The following HPRT1 variants were observed in gnomAD, a reference collection of about 807,000 sequenced individuals.
HPRT1 encodes the protein hypoxanthine-guanine phosphoribosyltransferase.
A neutral mutation model predicts 19.0 loss-of-function variants in HPRT1; 4 were observed. That is an observed-to-expected ratio of 0.21 (90% CI 0.10 to 0.48). The LOEUF is 0.48. Ranked by LOEUF, HPRT1 falls within the 20% of genes least tolerant of loss-of-function variation. The pLI, the probability that HPRT1 is intolerant of heterozygous loss-of-function variation, is 0.98. For synonymous variants in HPRT1, 53 were observed against 54.9 expected, an observed-to-expected ratio of 0.97 and a Z score of 0.15; for missense variants, 65 against 164.0, an observed-to-expected ratio of 0.40 and a Z score of 3.30.
At chrX:134,496,603 T>A (rs2077680883) in intron 6 of HPRT1, among the ~76,000 whole-genome samples, 1 of 112,229 alleles carries the variant, frequency 8.9e-6, no homozygotes, top group Non-Finnish European at 1.9e-5. Flanking sequence ...ATGTTCTTTC[T>A]AAATGGAAAT....
intron 1 of HPRT1, among the ~76,000 whole-genome samples, chrX:134,466,789 T>A (rs1247666521): frequency 2.7e-5 from 3 of 112,044 alleles, no homozygotes; most frequent in Non-Finnish European, 5.6e-5. Context: ...AGAAAGGTGC[T>A]GGTCTCCTTT....
At chrX:134,492,393 T>C in intron 5 of HPRT1, 1 of 243,607 alleles carries the variant, frequency 4.1e-6, no homozygotes, top group Non-Finnish European at 8.1e-6. Flanking sequence ...AAAGTTGATA[T>C]ATATCATTCC....
At chrX:134,489,664 G>A (rs770003577) in intron 4 of HPRT1, among the ~76,000 whole-genome samples, 17 of 112,132 alleles carry the variant, frequency 1.5e-4, no homozygotes, top group African/African-American at 4.5e-4. Context: ...GGTTTATGGT[G>A]AGAGGAAGCA....
At chrX:134,486,432 T>C (rs1308712323) in intron 3 of HPRT1, 33 bp from the exon 4 acceptor site, 1 of 759,882 alleles carries the variant, frequency 1.3e-6, no homozygotes, top group South Asian at 2.7e-5. Flanking sequence ...TGTGTAGATA[T>C]ATATATATAT....
intron 1 of HPRT1, among the ~76,000 whole-genome samples, chrX:134,460,700 C>T (rs899995868): frequency 1.8e-5 from 2 of 108,521 alleles, no homozygotes; most frequent in African/African-American, 6.8e-5. Flanking sequence ...GGGGCTTTCT[C>T]GGGAGAGGCC....
At chrX:134,485,060 A>G (rs1394599956) in intron 3 of HPRT1, among the ~76,000 whole-genome samples, 4 of 111,900 alleles carry the variant, frequency 3.6e-5, no homozygotes, top group Non-Finnish European at 5.6e-5. Flanking sequence ...AGTGACATGC[A>G]TGTTTGCAAT....
rs182905104 is a variant in HPRT1, at chrX:134,464,917, G to A, written c.27+4579G>A. Among the ~76,000 whole-genome samples the A allele has an allele frequency of 6.2e-3, 673 of 109,069 alleles. 5 individuals are homozygous for A. The highest frequency in any genetic ancestry group is 0.01 in the Non-Finnish European group (542 of 52,516). 94.7% of individuals were successfully genotyped at this position (109,069 alleles called of 115,157 possible). ...TCCATTAAGTCTTGTTTGGACCCAC[G>A]AACATTGTCTTTTTTTTTTTAAGAT... On this transcript the variant is annotated intron_variant, in intron 1 of 8. Coordinates refer to ENST00000298556, the MANE Select transcript of HPRT1 (RefSeq NM_000194.3).
At position 134,481,026 on chromosome X, in the gene HPRT1, A is replaced by G. The variant is rs1397326603; in HGVS notation, c.319-5439A>G. Among the ~76,000 whole-genome samples, 3 of 109,859 alleles carry G rather than the reference A, an allele frequency of 2.7e-5. No homozygotes were observed. The East Asian group carries it at 8.6e-4, about 32-fold the overall frequency. The stretch of plus-strand genomic sequence containing the variant: ...AAGGTATACAACATGATGTTATGGG[A>G]TACATATAGGTGGTTAAAAGATTAC... On this transcript the variant is annotated intron_variant, in intron 3 of 8. Transcript: ENST00000298556.
In HPRT1 at chrX:134,460,301, C is replaced by G. The variant is rs2077579277; in HGVS notation, c.-11C>G. 8.8e-7 allele frequency: 1 copy of G among 1,132,036 alleles called. No homozygotes were observed. Among genetic ancestry groups the G allele is most frequent in the African/African-American group, 1.9e-5 (1 of 53,819 alleles). The allele number at this position is 1,132,036 out of a possible 1,213,427, so 93.3% of individuals were successfully genotyped here. ...CCTGAGCAGTCAGCCCGCGCGCCGG[C>G]CGGCTCCGTTATGGCGACCCGCAGC... On this transcript the variant is annotated 5_prime_UTR_variant, in exon 1 of 9. Transcript: ENST00000298556.
chrX:134,466,343 G>A (rs181611338), intron 1 of HPRT1, among the ~76,000 whole-genome samples: 14 of 108,326 alleles, frequency 1.3e-4, no homozygotes, highest in South Asian at 4.2e-4. Flanking sequence ...ACTTGAACCC[G>A]GGAGTTGGAG....
intron 6 of HPRT1, among the ~76,000 whole-genome samples, chrX:134,496,920 T>C (rs934528080): frequency 8.9e-6 from 1 of 111,822 alleles, no homozygotes; most frequent in Non-Finnish European, 1.9e-5. Flanking sequence ...TATATATTTA[T>C]CTAGGAAGGT....
At chrX:134,475,800 AAC>A (rs2077623662) in intron 3 of HPRT1, among the ~76,000 whole-genome samples, 1 of 110,672 alleles carries the variant, frequency 9.0e-6, no homozygotes, top group African/African-American at 3.3e-5. Flanking sequence ...CTTTTTTTTT[AAC>A]ACACTTAAGA....
chrX:134,470,952 A>G (rs1294691897), intron 1 of HPRT1, among the ~76,000 whole-genome samples: 1 of 109,151 alleles, frequency 9.2e-6, no homozygotes, highest in Non-Finnish European at 1.9e-5. Flanking sequence ...AAAAAAGTGT[A>G]GAAAGTGTCA....
At chrX:134,485,524 T>A (rs2077650528) in intron 3 of HPRT1, among the ~76,000 whole-genome samples, 1 of 112,292 alleles carries the variant, frequency 8.9e-6, no homozygotes, top group South Asian at 3.7e-4. Flanking sequence ...ACCATACTTT[T>A]ATTTTTTCCC....
In HPRT1 at chrX:134,465,210, CT is replaced by C. The variant is rs754295702; in HGVS notation, c.27+4886del. 1.8e-3 allele frequency among the ~76,000 whole-genome samples: 180 copies of C among 99,940 alleles called. 2 individuals are homozygous for C. Among genetic ancestry groups the C allele is most frequent in the East Asian group, 0.011 (35 of 3,238 alleles). 86.8% of individuals were successfully genotyped at this position (99,940 alleles called of 115,157 possible). A position where few individuals can be genotyped will look rare whatever the true frequency, so the allele number is the denominator to read the frequency against. The stretch of plus-strand genomic sequence containing the variant: ...GAGCCACCGCATCTGGCCAACATGT[CT>C]TTTTTTTTTTTTTCCTTTTTAACCA... On this transcript the variant is annotated intron_variant, in intron 1 of 8. Transcript: ENST00000298556.
intron 3 of HPRT1, among the ~76,000 whole-genome samples, chrX:134,479,868 C>G (rs1398711383): frequency 9.0e-6 from 1 of 111,279 alleles, no homozygotes; most frequent in African/African-American, 3.3e-5. Context: ...CTTGGCTTCC[C>G]TAAGTGAAAT....
At chrX:134,496,689 C>T (rs1161679302) in intron 6 of HPRT1, among the ~76,000 whole-genome samples, 5 of 111,898 alleles carry the variant, frequency 4.5e-5, no homozygotes, top group Admixed American at 2.8e-4. Context: ...TTGGAGTCTC[C>T]GGCTTAGGTC....
chrX:134,479,619 T>G (rs757995783), intron 3 of HPRT1, among the ~76,000 whole-genome samples: 20 of 110,678 alleles, frequency 1.8e-4, no homozygotes, highest in Non-Finnish European at 3.4e-4. Flanking sequence ...TGTTTTTGTT[T>G]TTGTTTTGAG....
At chrX:134,468,266 G>A (rs2077602259) in intron 1 of HPRT1, among the ~76,000 whole-genome samples, 1 of 110,735 alleles carries the variant, frequency 9.0e-6, no homozygotes, top group Admixed American at 9.7e-5. Flanking sequence ...ATAAATATTT[G>A]CATATTAGTG....
Sources: gnomAD v4.1 joint callset for allele counts (sites outside exome capture counted in the v4.1 genomes callset) on GRCh38, gnomAD v4.1.1 for gene constraint, MANE v1.5 for transcripts, NCBI Gene and HGNC (gene_info 2026-07-23, HGNC 2026-07-21) for gene names.